CRYBG2: variants seen among roughly 807,000 people sequenced by gnomAD.
CRYBG2 encodes the protein beta/gamma crystallin domain-containing protein 2.
Under a neutral mutation model 153.4 loss-of-function variants are expected in CRYBG2, and 106 were observed. The ratio of observed to expected loss-of-function variants is 0.69; its 90% confidence interval spans 0.59 to 0.81. The LOEUF (loss-of-function observed/expected upper bound fraction) is 0.81. Ranked by LOEUF, CRYBG2 falls within the 30% of genes least tolerant of loss-of-function variation. The pLI, the probability that CRYBG2 is intolerant of heterozygous loss-of-function variation, is 0.00. For missense variants in CRYBG2, 1,996 were observed against 2,112.0 expected (o/e 0.95, Z 1.08); for synonymous variants, 851 against 877.8 (o/e 0.97, Z 0.54).
intron 14 of CRYBG2, among the ~76,000 whole-genome samples, chr1:26,333,041 A>C (rs2124699238): frequency 7.0e-6 from 1 of 143,862 alleles, no homozygotes; most frequent in East Asian, 2.0e-4. Context: ...AAAAAAAAAA[A>C]AAAAAGATTT....
intron 16 of CRYBG2, 97 bp downstream of exon 16, chr1:26,328,637 G>A (rs1450310818): frequency 1.3e-6 from 2 of 1,487,978 alleles, no homozygotes; most frequent in African/African-American, 1.4e-5. Flanking sequence ...GGGAAAAGTG[G>A]GGAGGGGAAA....
rs373509277 is a variant in CRYBG2 at position 26,324,176 on chromosome 1, G to A, written c.4713C>T (p.Tyr1571=). The A allele has an allele frequency of 1.7e-5, 27 of 1,613,440 alleles. No homozygotes were observed. The highest frequency in any genetic ancestry group is 4.5e-5 in the East Asian group (2 of 44,874). The change falls in exon 18 of 20, where the codon TAC becomes TAT. Residue 1571 remains tyrosine (Y), a synonymous_variant. Coordinates refer to ENST00000308182, the MANE Select transcript of CRYBG2 (RefSeq NM_001039775.4). ...PQAGGSCIWY[Y]EDGLLKNQMA... The stretch of plus-strand genomic sequence containing the variant: ...CCTGGTTCTTCAGCAGCCCATCCTC[G>A]TAGTACCAGATGCAGCTACCTCCAG...
Position 26,325,088 on chromosome 1 carries a change from G to A in CRYBG2, c.4579-778C>T, listed in dbSNP as rs2073906820. On this transcript the variant is annotated intron_variant, in intron 17 of 19. Transcript: ENST00000308182. This position sits in a 1 kb window ranked among gnomAD's most constrained non-coding sequence, Gnocchi z 4.1. ...GCCCAAGATTGCAGAGCAAATCCGTGTCCACTTCTCTGGGCCTTTATTTCC... is the reference window on the plus strand; with the variant it reads ...GCCCAAGATTGCAGAGCAAATCCGTATCCACTTCTCTGGGCCTTTATTTCC... The A allele has an allele frequency of 1.3e-5, 2 of 152,272 alleles. No homozygotes were observed. Among genetic ancestry groups the A allele is most frequent in the Admixed American group, 6.5e-5 (1 of 15,296 alleles). 9.4% of individuals were successfully genotyped at this position (152,272 alleles called of 1,614,324 possible).
At chr1:26,348,000 AGTAGCTCACT>A (rs2074246177) in intron 1 of CRYBG2, among the ~76,000 whole-genome samples, 1 of 151,816 alleles carries the variant, frequency 6.6e-6, no homozygotes, top group Non-Finnish European at 1.5e-5. Context: ...GTTGAAGTGC[AGTAGCTCACT>A]GTAGCCTTGA....
In CRYBG2 at chr1:26,346,771, C is replaced by T. The variant is rs1019800187; in HGVS notation, c.-55-59G>A. The T allele has an allele frequency of 6.0e-6, 7 of 1,167,848 alleles. No individual in the cohort carries two copies. Among genetic ancestry groups the T allele is most frequent in the Admixed American group, 2.9e-5 (1 of 34,340 alleles). The allele number at this position is 1,167,848 out of a possible 1,614,324, so 72.3% of individuals were successfully genotyped here. ...GTGGTGAGAGTGGCTTCCTAAAGTG[C>T]AGAATAACCACCCCTACCCAAGTCA... On this transcript the variant is annotated intron_variant, in intron 1 of 19. Coordinates refer to ENST00000308182, the MANE Select transcript of CRYBG2 (RefSeq NM_001039775.4). This position sits in a 1 kb window ranked among gnomAD's most constrained non-coding sequence, Gnocchi z 4.9.
In CRYBG2 at chr1:26,328,823, C is replaced by T. The variant is rs2073964497; in HGVS notation, c.4365G>A (p.Gly1455=). The T allele has an allele frequency of 6.2e-7, 1 of 1,614,124 alleles. No individual in the cohort carries two copies. Among genetic ancestry groups the T allele is most frequent in the Non-Finnish European group, 8.5e-7 (1 of 1,180,020 alleles). The stretch of plus-strand genomic sequence containing the variant: ...CCTCCCTGCTGAGCTCGATCTCCTT[C>T]CCCTCGAAGCACTCGAGTCCATACA... The part of the protein sequence containing the change: ...IFLYGLECFE[G]KEIELSREVR... Residue 1455 remains glycine, a synonymous_variant, in exon 16 of 20, where the codon GGG becomes GGA. Coordinates refer to ENST00000308182, the MANE Select transcript of CRYBG2 (RefSeq NM_001039775.4).
intron 15 of CRYBG2, among the ~76,000 whole-genome samples, chr1:26,330,848 C>A (rs918522666): frequency 2.0e-5 from 3 of 152,036 alleles, no homozygotes; most frequent in Non-Finnish European, 2.9e-5. Flanking sequence ...TGGTGGAAAG[C>A]CTTTTAAACA....
At position 26,346,704 on chromosome 1, in the gene CRYBG2, T is replaced by G; in HGVS notation, c.-47A>C. 6.8e-7 allele frequency: 1 copy of G among 1,469,430 alleles called. No homozygotes were observed. The highest frequency in any genetic ancestry group is 9.0e-7 in the Non-Finnish European group (1 of 1,108,096). The allele number at this position is 1,469,430 out of a possible 1,614,324, so 91.0% of individuals were successfully genotyped here. The stretch of plus-strand genomic sequence containing the variant: ...TGGAGGTGTCCTTGTCCCACTGTGG[T>G]CCAGCTCCCTGCAGAGGAATAAGAA... On this transcript the variant is annotated 5_prime_UTR_variant, in exon 2 of 20. Coordinates refer to ENST00000308182, the MANE Select transcript of CRYBG2 (RefSeq NM_001039775.4). The surrounding 1 kb of genome is among the most constrained non-coding windows in gnomAD (Gnocchi z 4.9).
Position 26,346,247 on chromosome 1 carries a change from A to G in CRYBG2, c.411T>C (p.Ala137=). 1 of 1,581,926 alleles carries G rather than the reference A, an allele frequency of 6.3e-7. No homozygotes were observed. Among genetic ancestry groups the G allele is most frequent in the Non-Finnish European group, 8.5e-7 (1 of 1,169,690 alleles). Residue 137 remains alanine (A), a synonymous_variant, in exon 2 of 20, where the codon GCT becomes GCC. Coordinates refer to ENST00000308182, the MANE Select transcript of CRYBG2 (RefSeq NM_001039775.4). The surrounding 1 kb of genome is among the most constrained non-coding windows in gnomAD (Gnocchi z 4.9). ...APRTEPPCVG[A]MARTELLVPL... ...GAACCAAAAGCTCAGTCCTGGCCAT[A>G]GCTCCCACACATGGGGGCTCAGTCC...
At chr1:26,322,737 A>C (rs1221602667) in intron 18 of CRYBG2, among the ~76,000 whole-genome samples, 1 of 152,208 alleles carries the variant, frequency 6.6e-6, no homozygotes, top group African/African-American at 2.4e-5. Flanking sequence ...ACTAAAGATT[A>C]TAGGAGGCAT....
chr1:26,344,962 C>T lies in CRYBG2; in HGVS notation c.1696G>A (p.Val566Met), dbSNP rs1429909695. The T allele has an allele frequency of 3.9e-6, 6 of 1,535,430 alleles. No homozygotes were observed. The highest frequency in any genetic ancestry group is 4.0e-5 in the Admixed American group (2 of 50,544). The change falls in exon 2 of 20, where the codon GTG becomes ATG. Residue 566 changes from valine (V) to methionine (M), a missense_variant. Val to Met is a conservative substitution (Grantham distance 21). Transcript: ENST00000308182. ...GCAGCAGGAGCACCAGACCCCTGCA[C>T]CACCTCCTTCTGGGTGGGGGATGAG... The part of the protein sequence containing the change: ...AASSPTQKEV[V>M]QGSGAPAALS...
intron 5 of CRYBG2, among the ~76,000 whole-genome samples, chr1:26,341,123 G>A (rs1292327048): frequency 2.0e-5 from 3 of 151,898 alleles, no homozygotes; most frequent in Non-Finnish European, 4.4e-5. Flanking sequence ...TGGATCACGA[G>A]GTCAGGAGAT....
intron 6 of CRYBG2, among the ~76,000 whole-genome samples, chr1:26,338,773 A>G (rs1301761768): frequency 6.6e-6 from 1 of 152,154 alleles, no homozygotes; most frequent in Non-Finnish European, 1.5e-5. Context: ...AGGCTCTGCA[A>G]TCTGGCCTCT....
intron 15 of CRYBG2, among the ~76,000 whole-genome samples, 183 bp from the exon 16 acceptor site, chr1:26,329,056 A>G (rs1432041682): frequency 1.3e-5 from 2 of 152,014 alleles, no homozygotes; most frequent in Non-Finnish European, 2.9e-5. Flanking sequence ...TCTCAGAGGC[A>G]GTAAGCGCTA....
chr1:26,353,076 T>TG (rs2074303271), intron 1 of CRYBG2, among the ~76,000 whole-genome samples: 1 of 152,120 alleles, frequency 6.6e-6, no homozygotes, highest in Admixed American at 6.5e-5. Flanking sequence ...CCAGGCAGGA[T>TG]GGAGCAGTGG....
Position 26,336,790 on chromosome 1 carries a change from C to T in CRYBG2, c.3911+51G>A. The T allele has an allele frequency of 6.4e-7, 1 of 1,561,144 alleles. No homozygotes were observed. Among genetic ancestry groups the T allele is most frequent in the South Asian group, 1.2e-5 (1 of 85,048 alleles). Reference sequence around the variant, plus strand: ...ACGGAGCCTGCACCTCTCCTGGAACCGCCCCCGGCTCGCCCGGGCCCGCCC... The same window carrying T: ...ACGGAGCCTGCACCTCTCCTGGAACTGCCCCCGGCTCGCCCGGGCCCGCCC... On this transcript the variant is annotated intron_variant, in intron 11 of 19. Transcript: ENST00000308182. This position sits in a 1 kb window ranked among gnomAD's most constrained non-coding sequence, Gnocchi z 4.9.
chr1:26,331,802 C>T (rs911855776), intron 14 of CRYBG2, among the ~76,000 whole-genome samples, 184 bp from the exon 15 acceptor site: 1 of 152,184 alleles, frequency 6.6e-6, no homozygotes, highest in African/African-American at 2.4e-5. Context: ...TGAATGAAAT[C>T]ATACTGCCCC....
chr1:26,328,740 C>T lies in CRYBG2; in HGVS notation c.4448G>A (p.Gly1483Glu), dbSNP rs773748122. 2 of 1,613,418 alleles carry T rather than the reference C, an allele frequency of 1.2e-6. No individual in the cohort carries two copies. Among genetic ancestry groups the T allele is most frequent in the Non-Finnish European group, 1.7e-6 (2 of 1,179,730 alleles). ...GCCTCCCCTCAGCACTCACATGCCC[C>T]CCTTGATCCGCACAGACAGCACATG... ...NNHVLSVRIK[G>E]GIWVLCEHSD... The change falls in exon 16 of 20, where the codon GGG (glycine) becomes GAG (glutamate). Residue 1483 changes from glycine to glutamate, a missense_variant. By Grantham distance (98) the Gly-to-Glu change is moderately conservative. Transcript: ENST00000308182.
Position 26,345,199 on chromosome 1 carries a change from A to C in CRYBG2, c.1459T>G (p.Ser487Ala). The change falls in exon 2 of 20, where the codon TCT becomes GCT. Residue 487 changes from serine (S) to alanine (A), a missense_variant. By Grantham distance (99) the Ser-to-Ala change is moderately conservative. Transcript: ENST00000308182. The stretch of plus-strand genomic sequence containing the variant: ...TTCCAGGTGGGGGACGAGGCAGCAG[A>C]AGCACTGGACCCCTGCACCACCTCC... ...RKEVVQGSSA[S>A]AASSPTWKEV... 1 of 573,382 alleles carries C rather than the reference A, an allele frequency of 1.7e-6. No individual in the cohort carries two copies. Among genetic ancestry groups the C allele is most frequent in the Non-Finnish European group, 2.5e-6 (1 of 403,400 alleles). 35.5% of individuals were successfully genotyped at this position (573,382 alleles called of 1,614,324 possible). A position where few individuals can be genotyped will look rare whatever the true frequency, so the allele number is the denominator to read the frequency against.
Sources: allele counts gnomAD v4.1 joint callset (sites outside exome capture counted in the v4.1 genomes callset), GRCh38; gene constraint gnomAD v4.1.1; non-coding constraint Gnocchi (gnomAD v3.1); transcripts MANE v1.5; gene names NCBI Gene and HGNC (gene_info 2026-07-23, HGNC 2026-07-21).